DPH6: variants seen among roughly 807,000 people sequenced by gnomAD.
The protein encoded by DPH6 is diphthine--ammonia ligase.
Under a neutral mutation model 38.2 loss-of-function variants are expected in DPH6, and 33 were observed. The observed-to-expected ratio is 0.86, with a 90% confidence interval of 0.65 to 1.15. The LOEUF is 1.15. Among genes scored for constraint, DPH6 ranks in the 50% most tolerant of loss-of-function variants. The probability of loss-of-function intolerance (pLI) is 0.00; values close to 1 mark genes in which losing one functional copy is unlikely to be tolerated. For synonymous variants in DPH6, 108 were observed against 103.0 expected (o/e 1.05, Z -0.30); for missense variants, 325 against 320.0 (o/e 1.02, Z -0.12).
intron 6 of DPH6, among the ~76,000 whole-genome samples, chr15:35,406,741 ATAAGT>A (rs1372382756): frequency 3.3e-5 from 5 of 152,024 alleles, no homozygotes; most frequent in East Asian, 1.9e-4. Flanking sequence ...AATGGCATAG[ATAAGT>A]TAAGAAAGAA....
intron 3 of DPH6, among the ~76,000 whole-genome samples, chr15:35,342,026 A>G (rs2140879062): frequency 6.6e-6 from 1 of 152,298 alleles, no homozygotes; most frequent in African/African-American, 2.4e-5. Flanking sequence ...ACTCGGTCCC[A>G]TCTCAGGCAG....
chr15:35,256,345 A>G (rs2051708097), intron 3 of DPH6, among the ~76,000 whole-genome samples: 1 of 152,058 alleles, frequency 6.6e-6, no homozygotes, highest in South Asian at 2.1e-4. Context: ...TGACCTTGAC[A>G]GTTTTGTAGT....
chr15:35,145,347 C>T, the DPH6 span, among the ~76,000 whole-genome samples: 12 of 152,222 alleles, frequency 7.9e-5, no homozygotes, highest in South Asian at 2.5e-3. Context: ...TTTTACTTTC[C>T]TAGTGTCCTT....
chr15:35,302,623 C>T (rs767809283), intron 3 of DPH6, among the ~76,000 whole-genome samples: 3 of 152,128 alleles, frequency 2.0e-5, no homozygotes, highest in Non-Finnish European at 4.4e-5. Flanking sequence ...CTGACTCCTT[C>T]GAGATCACTA....
intron 7 of DPH6, 75 bp from the exon 8 acceptor site, chr15:35,373,683 A>C (rs1300100924): frequency 6.0e-6 from 7 of 1,159,770 alleles, no homozygotes; most frequent in Non-Finnish European, 8.7e-6. Context: ...ACTGACTAGA[A>C]GAGACTAAAC....
At chr15:35,174,892 G>A in the DPH6 span, among the ~76,000 whole-genome samples, 2 of 151,920 alleles carry the variant, frequency 1.3e-5, no homozygotes, top group Non-Finnish European at 2.9e-5. Flanking sequence ...AAACAAGTAT[G>A]ATTTATATGT....
At chr15:35,456,543 A>G (rs886846698) in intron 3 of DPH6, among the ~76,000 whole-genome samples, 1 of 151,030 alleles carries the variant, frequency 6.6e-6, no homozygotes, top group Non-Finnish European at 1.5e-5. Context: ...GCTGGAGTGC[A>G]GTGGCACGAT....
chr15:35,183,752 G>T, the DPH6 span, among the ~76,000 whole-genome samples: 1 of 152,110 alleles, frequency 6.6e-6, no homozygotes, highest in Non-Finnish European at 1.5e-5. Context: ...AAAAGCAAAT[G>T]AATTCTGTTA....
At chr15:35,368,495 T>C (rs957493629), downstream of DPH6, among the ~76,000 whole-genome samples, 1 of 151,974 alleles carries the variant, frequency 6.6e-6, no homozygotes, top group Non-Finnish European at 1.5e-5. Context: ...AAAATCTATA[T>C]GGCAGTGAAA....
chr15:35,359,953 A>G (rs1351812160), intron 3 of DPH6, among the ~76,000 whole-genome samples: 1 of 151,890 alleles, frequency 6.6e-6, no homozygotes. Flanking sequence ...GTCCTCTTAT[A>G]GCTTATTAAA....
At chr15:35,466,293 AAAAT>A (rs1347611237) in intron 3 of DPH6, among the ~76,000 whole-genome samples, 1 of 152,234 alleles carries the variant, frequency 6.6e-6, no homozygotes, top group Non-Finnish European at 1.5e-5. Context: ...GCAAGCAACA[AAAAT>A]AAATAAGGAA....
intron 3 of DPH6, among the ~76,000 whole-genome samples, chr15:35,535,062 A>C (rs534721272): frequency 1.3e-5 from 2 of 152,308 alleles, no homozygotes; most frequent in East Asian, 3.9e-4. Flanking sequence ...GCCTATCCCC[A>C]AACCATCAAT....
chr15:35,384,534 G>GA lies in DPH6; in HGVS notation c.568-2619dup, dbSNP rs895148143. On this transcript the variant is annotated intron_variant, in intron 6 of 8. Coordinates refer to ENST00000256538, the MANE Select transcript of DPH6 (RefSeq NM_080650.4). ...CAGATATTGCCAGGTGTCATTTGTGGAAAAAAAAATCCCAGCTACTCAGGA... is the reference window on the plus strand; with the variant it reads ...CAGATATTGCCAGGTGTCATTTGTGGAAAAAAAAAATCCCAGCTACTCAGGA... Among the ~76,000 whole-genome samples the GA allele has an allele frequency of 1.2e-4, 18 of 151,250 alleles. 1 individual carries two copies. Among genetic ancestry groups the GA allele is most frequent in the South Asian group, 1.0e-3 (5 of 4,768 alleles).
At chr15:35,541,503 T>C in intron 2 of DPH6, among the ~76,000 whole-genome samples, 1 of 102,010 alleles carries the variant, frequency 9.8e-6, no homozygotes, top group East Asian at 2.0e-4. Context: ...TTCAGCTAAA[T>C]TTACAGAATG....
Position 35,450,699 on chromosome 15 carries a change from T to C in DPH6, c.491A>G (p.Lys164Arg). 1 of 1,612,978 alleles carries C rather than the reference T, an allele frequency of 6.2e-7. No homozygotes were observed. Residue 164 changes from lysine to arginine, a missense_variant, in exon 5 of 9, where the codon AAA (lysine) becomes AGA (arginine). Coordinates refer to ENST00000256538, the MANE Select transcript of DPH6 (RefSeq NM_080650.4). ...ISSNIQAMII[K>R]VAALGLDPDK... ...TGGCTGCATACCCAAAGCTGCTACT[T>C]TGATGATCATTGCTTGAATGTTAGA...
At chr15:35,171,323 T>G in the DPH6 span, among the ~76,000 whole-genome samples, 1 of 152,218 alleles carries the variant, frequency 6.6e-6, no homozygotes, top group Non-Finnish European at 1.5e-5. Context: ...CTTGTGTGGT[T>G]TTCCTAGCAA....
intron 6 of DPH6, among the ~76,000 whole-genome samples, chr15:35,409,095 A>G (rs11853075): frequency 0.24 from 35,980 of 151,750 alleles, 4,389 homozygotes; most frequent in South Asian, 0.37. Flanking sequence ...AAGCACAGGT[A>G]GGGCCTCAGC....
chr15:35,364,577 AG>A (rs1294386975), intron 3 of DPH6, among the ~76,000 whole-genome samples: 1 of 152,134 alleles, frequency 6.6e-6, no homozygotes, highest in African/African-American at 2.4e-5. Context: ...ACAGAATTCT[AG>A]GATGGCATTT....
At chr15:35,430,352 CT>C (rs960531942) in intron 5 of DPH6, among the ~76,000 whole-genome samples, 2 of 147,002 alleles carry the variant, frequency 1.4e-5, no homozygotes, top group East Asian at 2.0e-4. Flanking sequence ...TGTACTTTAA[CT>C]TTTTTTTTGC....
Sources: gnomAD v4.1 joint callset for allele counts (sites outside exome capture counted in the v4.1 genomes callset) on GRCh38, gnomAD v4.1.1 for gene constraint, MANE v1.5 for transcripts, NCBI Gene and HGNC (gene_info 2026-07-23, HGNC 2026-07-21) for gene names.